MRPL48: variants seen among roughly 807,000 people sequenced by gnomAD.
MRPL48 encodes large ribosomal subunit protein mL48.
Under a neutral mutation model 32.9 loss-of-function variants are expected in MRPL48, and 16 were observed. That is an observed-to-expected ratio of 0.49 (90% CI 0.33 to 0.74). The LOEUF (loss-of-function observed/expected upper bound fraction) is 0.74. Ranked by LOEUF, MRPL48 falls within the 30% of genes least tolerant of loss-of-function variation. The pLI is 0.02. For missense variants in MRPL48, 206 were observed against 245.3 expected (o/e 0.84, Z 1.07); for synonymous variants, 94 against 89.2 (o/e 1.05, Z -0.31).
At chr11:73,797,060 C>G (rs1947267087) in intron 1 of MRPL48, among the ~76,000 whole-genome samples, 1 of 151,674 alleles carries the variant, frequency 6.6e-6, no homozygotes, top group Non-Finnish European at 1.5e-5. Flanking sequence ...GAGACTGTCT[C>G]AAAAAAAAGC....
intron 5 of MRPL48, among the ~76,000 whole-genome samples, chr11:73,857,974 A>C (rs1948515999): frequency 6.6e-6 from 1 of 152,226 alleles, no homozygotes; most frequent in South Asian, 2.1e-4. Flanking sequence ...CAAATCAATG[A>C]AATCTTGCTG....
intron 6 of MRPL48, among the ~76,000 whole-genome samples, chr11:73,862,009 C>T (rs537770743): frequency 3.9e-5 from 6 of 152,150 alleles, no homozygotes; most frequent in South Asian, 4.1e-4. Flanking sequence ...AGGCAGTGCC[C>T]GGGCACGGTG....
intron 5 of MRPL48, among the ~76,000 whole-genome samples, chr11:73,859,152 G>A (rs930484803): frequency 2.6e-5 from 4 of 152,168 alleles, no homozygotes; most frequent in African/African-American, 9.7e-5. Flanking sequence ...TAGCACTGAG[G>A]TTGAGAAATC....
At chr11:73,836,539 C>T (rs1174709938) in intron 4 of MRPL48, among the ~76,000 whole-genome samples, 1 of 152,086 alleles carries the variant, frequency 6.6e-6, no homozygotes, top group Non-Finnish European at 1.5e-5. Context: ...GCTGTAAGTA[C>T]TATGTGCCAG....
In MRPL48 at chr11:73,864,695, C is replaced by T. The variant is rs562493818; in HGVS notation, c.*325C>T. 3.3e-6 allele frequency: 1 copy of T among 303,082 alleles called. No individual in the cohort carries two copies. The allele number at this position is 303,082 out of a possible 1,614,324, so 18.8% of individuals were successfully genotyped here. On this transcript the variant is annotated 3_prime_UTR_variant, in exon 8 of 8. Transcript: ENST00000310614. ...ATTCTGGCCAGGCACCGTGGTGCAT[C>T]CCTGTAATCCCAGCACTTTGCGAGG...
chr11:73,847,937 CTTG>C (rs1228184989), intron 5 of MRPL48, among the ~76,000 whole-genome samples: 36 of 152,212 alleles, frequency 2.4e-4, no homozygotes, highest in Middle Eastern at 3.4e-3. Flanking sequence ...TATGACTTAT[CTTG>C]TTGTCCTCTT....
chr11:73,838,437 T>C (rs1379731184), intron 4 of MRPL48, among the ~76,000 whole-genome samples: 2 of 152,172 alleles, frequency 1.3e-5, no homozygotes, highest in Non-Finnish European at 2.9e-5. Flanking sequence ...GACACTGGGA[T>C]CAGCTTTCTT....
At chr11:73,808,896 C>T (rs1446894655) in intron 3 of MRPL48, among the ~76,000 whole-genome samples, 2 of 151,338 alleles carry the variant, frequency 1.3e-5, no homozygotes, top group Non-Finnish European at 2.9e-5. Context: ...GCACTCCAGC[C>T]TGGGGGACAA....
chr11:73,805,588 G>A (rs747639277), intron 2 of MRPL48, among the ~76,000 whole-genome samples: 14 of 150,954 alleles, frequency 9.3e-5, no homozygotes, highest in Admixed American at 2.7e-4. Flanking sequence ...GGGCCCCCGC[G>A]TCCAGCCAGA....
chr11:73,864,558 G>T lies in MRPL48; in HGVS notation c.*188G>T, dbSNP rs1207484067. 29 of 601,028 alleles carry T rather than the reference G, an allele frequency of 4.8e-5. 1 individual carries two copies. Among genetic ancestry groups the T allele is most frequent in the Non-Finnish European group, 4.7e-5 (16 of 336,864 alleles). The allele number at this position is 601,028 out of a possible 1,614,324, so 37.2% of individuals were successfully genotyped here. A position where few individuals can be genotyped will look rare whatever the true frequency, so the allele number is the denominator to read the frequency against. On this transcript the variant is annotated 3_prime_UTR_variant, in exon 8 of 8. Coordinates refer to ENST00000310614, the MANE Select transcript of MRPL48 (RefSeq NM_016055.6). ...CCATTTCTTACCACTTACCTATGAG[G>T]TAATGCTTGTTATCTTCCATCTAAT... is the stretch of plus-strand genomic sequence containing the variant.
In MRPL48 at chr11:73,798,686, C is replaced by T. The variant is rs1054772211; in HGVS notation, c.22-6341C>T. Among the ~76,000 whole-genome samples the T allele has an allele frequency of 3.9e-5, 6 of 151,924 alleles. No individual in the cohort carries two copies. In the East Asian group the frequency reaches 5.8e-4, roughly 15 times the overall value. On this transcript the variant is annotated intron_variant, in intron 1 of 7. Transcript: ENST00000310614. ...TAGACAGAGAGGCTAGTATTGGTTG[C>T]GTACGTGGGAAAGGTAATGGTGAGG...
At chr11:73,855,382 C>A (rs1187494866) in intron 5 of MRPL48, among the ~76,000 whole-genome samples, 1 of 151,996 alleles carries the variant, frequency 6.6e-6, no homozygotes, top group African/African-American at 2.4e-5. Context: ...TCCCCACCTC[C>A]CTCTACCTCT....
chr11:73,838,983 T>C (rs979247962), intron 4 of MRPL48, among the ~76,000 whole-genome samples: 66 of 152,300 alleles, frequency 4.3e-4, no homozygotes, highest in African/African-American at 1.4e-3. Flanking sequence ...TAATGACTCA[T>C]TGTATGTTTT....
intron 5 of MRPL48, among the ~76,000 whole-genome samples, chr11:73,845,428 G>A (rs1195175159): frequency 6.6e-6 from 1 of 152,154 alleles, no homozygotes; most frequent in Non-Finnish European, 1.5e-5. Context: ...CATTCATAAT[G>A]TTATACAAGC....
rs1947426603 is a variant in MRPL48 at position 73,805,189 on chromosome 11, G to A, written c.74+110G>A. ...ACTTGCATGTCTATAAGCACATCAT[G>A]CATCTCCCCTGCCACCTTGCTCCTT... On this transcript the variant is annotated intron_variant, in intron 2 of 7. Coordinates refer to ENST00000310614, the MANE Select transcript of MRPL48 (RefSeq NM_016055.6). 9.3e-6 allele frequency: 8 copies of A among 863,896 alleles called. No homozygotes were observed. The South Asian group carries it at 1.1e-4, about 11-fold the overall frequency. The allele number at this position is 863,896 out of a possible 1,614,324, so 53.5% of individuals were successfully genotyped here. A position where few individuals can be genotyped will look rare whatever the true frequency, so the allele number is the denominator to read the frequency against.
chr11:73,798,952 T>TTGCAC (rs1947308237), intron 1 of MRPL48, among the ~76,000 whole-genome samples: 1 of 148,908 alleles, frequency 6.7e-6, no homozygotes, highest in African/African-American at 2.5e-5. Context: ...GATCGCACCA[T>TTGCAC]TGCACTCTAG....
intron 1 of MRPL48, among the ~76,000 whole-genome samples, chr11:73,802,455 C>T (rs2134955664): frequency 6.6e-6 from 1 of 152,250 alleles, no homozygotes; most frequent in Non-Finnish European, 1.5e-5. Context: ...AACTCCATAC[C>T]CCTTAGCAGT....
chr11:73,817,340 G>T (rs1271729090), intron 3 of MRPL48, among the ~76,000 whole-genome samples: 1 of 152,156 alleles, frequency 6.6e-6, no homozygotes, highest in African/African-American at 2.4e-5. Context: ...TTGTGCCATT[G>T]TCTGATTACT....
intron 3 of MRPL48, among the ~76,000 whole-genome samples, chr11:73,816,745 T>C (rs1947685057): frequency 6.6e-6 from 1 of 152,192 alleles, no homozygotes; most frequent in African/African-American, 2.4e-5. Context: ...ATTACAGGCA[T>C]GAGCCACCCT....
Sources: allele counts gnomAD v4.1 joint callset (sites outside exome capture counted in the v4.1 genomes callset), GRCh38; gene constraint gnomAD v4.1.1; transcripts MANE v1.5; gene names NCBI Gene and HGNC (gene_info 2026-07-23, HGNC 2026-07-21).